Variants in UBR4 observed in about 807,000 individuals in gnomAD.
The protein encoded by UBR4 is E3 ubiquitin-protein ligase UBR4.
In UBR4, 124 loss-of-function variants were observed where a neutral mutation model predicts 575.6. The observed-to-expected ratio is 0.22, with a 90% CI of 0.19 to 0.25. The LOEUF is 0.25. Among genes scored for constraint, UBR4 ranks in the 10% least tolerant of loss-of-function variants. The pLI, the probability that UBR4 is intolerant of heterozygous loss-of-function variation, is 1.00. For synonymous variants in UBR4, 2,455 were observed against 2,473.7 expected (o/e 0.99, Z 0.22); for missense variants, 4,818 against 6,478.8 (o/e 0.74, Z 8.80).
intron 28 of UBR4, 99 bp from the exon 29 acceptor site, chr1:19,167,330 A>G: frequency 7.5e-7 from 1 of 1,332,866 alleles, no homozygotes; most frequent in South Asian, 1.2e-5. Flanking sequence ...GGAAGAGGGG[A>G]AGGGGAATTG....
At chr1:19,086,066 G>A in intron 101 of UBR4, 79 bp downstream of exon 101, 1 of 1,546,136 alleles carries the variant, frequency 6.5e-7, no homozygotes, top group East Asian at 2.3e-5. Flanking sequence ...GTGTCACCAG[G>A]GGATTGGGCT....
At chr1:19,103,654 A>G (rs954867745) in intron 87 of UBR4, among the ~76,000 whole-genome samples, 8 of 152,230 alleles carry the variant, frequency 5.3e-5, no homozygotes, top group Non-Finnish European at 1.2e-4. Context: ...GTGAAGAAAA[A>G]CTGAATTGAA....
Position 19,198,535 on chromosome 1 carries a change from A to T in UBR4, c.648+6T>A, listed in dbSNP as rs751831248. On this transcript the variant is annotated splice_donor_region_variant and intron_variant, in intron 5 of 105. Transcript: ENST00000375254. ...GAGAAGAAGACATTTGACTAAAGAA[A>T]CTCACCAGAGTCTGTGTACTGATAG... 1.2e-6 allele frequency: 2 copies of T among 1,609,448 alleles called. No individual in the cohort carries two copies. Among genetic ancestry groups the T allele is most frequent in the Non-Finnish European group, 1.7e-6 (2 of 1,177,116 alleles).
intron 34 of UBR4, among the ~76,000 whole-genome samples, chr1:19,163,321 T>C (rs961001909): frequency 7.2e-5 from 11 of 152,314 alleles, no homozygotes; most frequent in Middle Eastern, 3.4e-3. Context: ...AGGATTTCTG[T>C]CAGTTTCAAA....
At chr1:19,130,319 G>C (rs115076404) in intron 60 of UBR4, among the ~76,000 whole-genome samples, 2,724 of 152,292 alleles carry the variant, frequency 0.018, 76 homozygotes, top group African/African-American at 0.062. Flanking sequence ...TGGAGGCTGA[G>C]GCAGGAGTTC....
intron 28 of UBR4, among the ~76,000 whole-genome samples, chr1:19,167,670 C>A (rs1191510926): frequency 6.6e-6 from 1 of 152,164 alleles, no homozygotes; most frequent in Admixed American, 6.5e-5. Flanking sequence ...TTGGCCTGAC[C>A]TAGTCCCTAC....
At chr1:19,174,190 T>A (rs1307414329) in intron 22 of UBR4, 129 bp downstream of exon 22, 7 of 1,224,438 alleles carry the variant, frequency 5.7e-6, no homozygotes, top group African/African-American at 1.5e-5. Context: ...TACCTAGAAA[T>A]ACTCAAGTAT....
At chr1:19,109,208 C>T (rs1355413331) in intron 81 of UBR4, among the ~76,000 whole-genome samples, 1 of 152,220 alleles carries the variant, frequency 6.6e-6, no homozygotes, top group Non-Finnish European at 1.5e-5. Flanking sequence ...AAGGCCCAAT[C>T]CAGGGCAAGT....
At chr1:19,095,946 C>T (rs2077995470) in intron 92 of UBR4, 1 of 333,654 alleles carries the variant, frequency 3.0e-6, no homozygotes, top group Non-Finnish European at 5.6e-6. Flanking sequence ...GGGGGAAATC[C>T]CAGCATCAAC....
At chr1:19,135,117 C>A (rs914608621) in intron 60 of UBR4, among the ~76,000 whole-genome samples, 3 of 152,170 alleles carry the variant, frequency 2.0e-5, no homozygotes, top group Non-Finnish European at 1.5e-5. Context: ...AGTCAAGATT[C>A]ATTTTATTCT....
At chr1:19,080,307 A>G (rs952786825) in intron 103 of UBR4, 3 of 152,246 alleles carry the variant, frequency 2.0e-5, no homozygotes, top group African/African-American at 7.2e-5. Context: ...GATCTGGTAC[A>G]GGCCAGATTC....
chr1:19,120,242 C>A lies in UBR4; in HGVS notation c.10248G>T (p.Leu3416=). 6.2e-7 allele frequency: 1 copy of A among 1,614,182 alleles called. No homozygotes were observed. The highest frequency in any genetic ancestry group is 8.5e-7 in the Non-Finnish European group (1 of 1,180,036). The change falls in exon 69 of 106, where the codon CTG becomes CTT. Residue 3416 remains leucine (L), a synonymous_variant. Coordinates refer to ENST00000375254, the MANE Select transcript of UBR4 (RefSeq NM_020765.3). The part of the protein sequence containing the change: ...ETLIQFLRCF[L]LESNSSSVRW... ...GCACCGAGGAAGAATTGGACTCTAA[C>A]AGGAAACAACGCAGGAACTGGATCA...
chr1:19,193,370 G>A, intron 9 of UBR4, 63 bp downstream of exon 9: 1 of 1,580,462 alleles, frequency 6.3e-7, no homozygotes, highest in Non-Finnish European at 8.6e-7. Context: ...GAAGAAAGTG[G>A]AACTGGCCAT....
At chr1:19,136,542 GA>G (rs2083219388) in intron 60 of UBR4, among the ~76,000 whole-genome samples, 1 of 151,946 alleles carries the variant, frequency 6.6e-6, no homozygotes, top group South Asian at 2.1e-4. Context: ...AAAGAAACAG[GA>G]AGAAAAAACT....
Position 19,106,922 on chromosome 1 carries a change from A to T in UBR4, c.12150T>A (p.Asn4050Lys). Residue 4050 changes from asparagine to lysine, a missense_variant, in exon 82 of 106, where the codon AAT (asparagine) becomes AAA (lysine). Asn to Lys is a moderately conservative substitution (Grantham distance 94, BLOSUM62 0). Coordinates refer to ENST00000375254, the MANE Select transcript of UBR4 (RefSeq NM_020765.3). ...ACAGTTGAGCCTGGGCATGGATCTC[A>T]TTGCAGTATGGCTTCACCGTGGTGA... ...EALTTVKPYC[N>K]EIHAQAQLWL... 6.2e-7 allele frequency: 1 copy of T among 1,605,548 alleles called. No individual in the cohort carries two copies. The highest frequency in any genetic ancestry group is 8.5e-7 in the Non-Finnish European group (1 of 1,173,532).
Position 19,157,193 on chromosome 1 carries a change from C to T in UBR4, c.5761-268G>A, listed in dbSNP as rs998743828. On this transcript the variant is annotated intron_variant, in intron 40 of 105. Coordinates refer to ENST00000375254, the MANE Select transcript of UBR4 (RefSeq NM_020765.3). This position sits in a 1 kb window ranked among gnomAD's most constrained non-coding sequence, Gnocchi z 4.4. ...AAAATAGTTTAAGAATACCTACGTA[C>T]CACTGTCCTTTTCTAGTTTTCTAGG... 2.0e-5 allele frequency among the ~76,000 whole-genome samples: 3 copies of T among 152,196 alleles called. No individual in the cohort carries two copies. The highest frequency in any genetic ancestry group is 2.9e-5 in the Non-Finnish European group (2 of 68,024).
At chr1:19,151,373 G>C in intron 48 of UBR4, 2 of 542,344 alleles carry the variant, frequency 3.7e-6, no homozygotes, top group Admixed American at 7.0e-5. Flanking sequence ...AAACACAGAA[G>C]TAGCCCCATT....
At chr1:19,136,963 T>C (rs528629926) in intron 60 of UBR4, among the ~76,000 whole-genome samples, 3 of 151,530 alleles carry the variant, frequency 2.0e-5, no homozygotes, top group African/African-American at 7.2e-5. Context: ...GATGCCTGAC[T>C]GCATCAGGCA....
At chr1:19,123,367 C>CT (rs2081375273) in intron 65 of UBR4, among the ~76,000 whole-genome samples, 1 of 150,558 alleles carries the variant, frequency 6.6e-6, no homozygotes, top group African/African-American at 2.4e-5. Context: ...AGAAGAATTG[C>CT]TTGAACCCAG....
Sources: gnomAD v4.1 joint callset for allele counts (sites outside exome capture counted in the v4.1 genomes callset) on GRCh38, gnomAD v4.1.1 for gene constraint, Gnocchi (gnomAD v3.1) non-coding constraint, MANE v1.5 for transcripts, NCBI Gene and HGNC (gene_info 2026-07-23, HGNC 2026-07-21) for gene names.